Variants in MAP2 observed in about 807,000 individuals in gnomAD.
The protein encoded by MAP2 is microtubule-associated protein 2.
In MAP2, 14 loss-of-function variants were observed where a neutral mutation model predicts 137.6. That is an observed-to-expected ratio of 0.10 (90% CI 0.07 to 0.16). MAP2 has a LOEUF of 0.16. Ranked by LOEUF, MAP2 falls within the 10% of genes least tolerant of loss-of-function variation. The pLI is 1.00. For synonymous variants in MAP2, 786 were observed against 782.3 expected (o/e 1.00, Z -0.08); for missense variants, 2,088 against 2,191.5 (o/e 0.95, Z 0.94).
intron 2 of MAP2, among the ~76,000 whole-genome samples, chr2:209,553,044 C>G (rs2153305213): frequency 6.6e-6 from 1 of 151,216 alleles, no homozygotes; most frequent in South Asian, 2.1e-4. Flanking sequence ...CGGAGTCTCA[C>G]TCTGTCGCCC....
chr2:209,582,618 A>T (rs2076689045), intron 3 of MAP2, among the ~76,000 whole-genome samples: 1 of 151,964 alleles, frequency 6.6e-6, no homozygotes, highest in Non-Finnish European at 1.5e-5. Flanking sequence ...CCAGTCCATA[A>T]TGAGCAACAA....
In MAP2 at chr2:209,478,821, G is replaced by A. The variant is rs543671922; in HGVS notation, c.-221-28771G>A. ...TTTTAATTGATGTCTTGTGATATTT[G>A]TTTTAAATTTGAAGGAAATTGCCCG... On this transcript the variant is annotated intron_variant, in intron 1 of 15. Transcript: ENST00000682079. Among the ~76,000 whole-genome samples the A allele has an allele frequency of 2.4e-4, 36 of 152,100 alleles. No individual in the cohort carries two copies. The East Asian group carries it at 6.8e-3, about 29-fold the overall frequency.
intron 11 of MAP2, among the ~76,000 whole-genome samples, chr2:209,701,641 A>G (rs1251974840): frequency 6.6e-6 from 1 of 152,054 alleles, no homozygotes; most frequent in Non-Finnish European, 1.5e-5. Flanking sequence ...TGAGTGATTC[A>G]TTTCTTTGAT....
intron 1 of MAP2, among the ~76,000 whole-genome samples, chr2:209,501,724 C>T (rs1214788058): frequency 1.3e-5 from 2 of 152,052 alleles, no homozygotes; most frequent in African/African-American, 4.8e-5. Context: ...GAGGACTGAG[C>T]CTTGGGGCAA....
chr2:209,709,808 C>T, intron 12 of MAP2, 106 bp from the exon 13 acceptor site: 3 of 795,434 alleles, frequency 3.8e-6, no homozygotes, highest in Non-Finnish European at 4.0e-6. Context: ...TTCTAAATAC[C>T]TTAGAAATTA....
intron 2 of MAP2, among the ~76,000 whole-genome samples, chr2:209,520,053 A>G (rs1324963684): frequency 1.3e-5 from 2 of 152,070 alleles, no homozygotes; most frequent in Non-Finnish European, 1.5e-5. Context: ...AAACTGCTCA[A>G]CTACTCATTC....
chr2:209,661,716 C>G, intron 5 of MAP2: 1 of 982,372 alleles, frequency 1.0e-6, no homozygotes, highest in Non-Finnish European at 1.2e-6. Flanking sequence ...TATGTGGTCT[C>G]TCTACTAGGT....
chr2:209,443,674 C>G (rs1365290710), intron 1 of MAP2, among the ~76,000 whole-genome samples: 1 of 151,574 alleles, frequency 6.6e-6, no homozygotes, highest in Non-Finnish European at 1.5e-5. Flanking sequence ...TAGTTTATTT[C>G]CCAAAGTTTT....
intron 5 of MAP2, among the ~76,000 whole-genome samples, chr2:209,670,348 G>GT (rs1021112686): frequency 6.6e-6 from 1 of 151,932 alleles, no homozygotes; most frequent in African/African-American, 2.4e-5. Flanking sequence ...AAGCTAAATT[G>GT]TAACGATACT....
At chr2:209,573,113 A>C (rs916274312) in intron 2 of MAP2, among the ~76,000 whole-genome samples, 1 of 152,188 alleles carries the variant, frequency 6.6e-6, no homozygotes, top group Non-Finnish European at 1.5e-5. Flanking sequence ...CAAAAAAATG[A>C]ATAGCTTTTG....
In MAP2 at chr2:209,543,907, G is replaced by A. The variant is rs139951130; in HGVS notation, c.-171-36129G>A. On this transcript the variant is annotated intron_variant, in intron 2 of 15. Coordinates refer to ENST00000682079, the MANE Select transcript of MAP2 (RefSeq NM_001375505.1). ...GATGTCTGTCTCTCTAAAAGTTTTC[G>A]TTCTAAATGTTTGTATCTTTTTTTA... Among the ~76,000 whole-genome samples the A allele has an allele frequency of 6.4e-4, 97 of 152,072 alleles. No individual in the cohort carries two copies. The East Asian group carries it at 8.9e-3, about 14-fold the overall frequency.
At chr2:209,478,731 C>T (rs186782500) in intron 1 of MAP2, among the ~76,000 whole-genome samples, 6 of 152,210 alleles carry the variant, frequency 3.9e-5, no homozygotes, top group African/African-American at 9.6e-5. Context: ...TATAAGGTTC[C>T]GCATTTTTAT....
At chr2:209,718,214 G>C (rs2068563633) in intron 13 of MAP2, among the ~76,000 whole-genome samples, 1 of 151,882 alleles carries the variant, frequency 6.6e-6, no homozygotes, top group Non-Finnish European at 1.5e-5. Flanking sequence ...TACCACTTTG[G>C]GTTTGCAAAG....
intron 3 of MAP2, among the ~76,000 whole-genome samples, chr2:209,583,353 T>C (rs911929941): frequency 6.6e-6 from 1 of 152,124 alleles, no homozygotes; most frequent in Admixed American, 6.6e-5. Context: ...ATAAATGTAT[T>C]CATAAAGCAT....
At chr2:209,707,809 CT>C (rs576777877) in intron 12 of MAP2, among the ~76,000 whole-genome samples, 4 of 152,060 alleles carry the variant, frequency 2.6e-5, no homozygotes, top group Non-Finnish European at 5.9e-5. Flanking sequence ...ATAAAACCTT[CT>C]TTTATAAAGC....
At position 209,689,637 on chromosome 2, in the gene MAP2, TG is replaced by T. The variant is rs201402545; in HGVS notation, c.455-2982del. 7.4e-3 allele frequency among the ~76,000 whole-genome samples: 1,123 copies of T among 152,264 alleles called. 5 individuals are homozygous for T. The highest frequency in any genetic ancestry group is 0.013 in the Non-Finnish European group (858 of 67,992). ...ACTTTTTTATGTGATATACATGGTT[TG>T]GGGGGTGGTTATTTTGGCCGTTTGA... On this transcript the variant is annotated intron_variant, in intron 7 of 15. Coordinates refer to ENST00000682079, the MANE Select transcript of MAP2 (RefSeq NM_001375505.1).
At chr2:209,606,002 G>C (rs2084584019) in intron 3 of MAP2, among the ~76,000 whole-genome samples, 2 of 152,250 alleles carry the variant, frequency 1.3e-5, no homozygotes, top group Middle Eastern at 6.8e-3. Context: ...CCGCTGGATA[G>C]ATAGATGCAT....
intron 3 of MAP2, among the ~76,000 whole-genome samples, chr2:209,620,063 G>C (rs909140248): frequency 2.0e-5 from 3 of 152,200 alleles, no homozygotes; most frequent in Admixed American, 2.0e-4. Flanking sequence ...CTGCATGAGA[G>C]AGAAGTGGCC....
chr2:209,604,299 T>C (rs1041446385), intron 3 of MAP2, among the ~76,000 whole-genome samples: 1 of 152,190 alleles, frequency 6.6e-6, no homozygotes, highest in Non-Finnish European at 1.5e-5. Context: ...CATAAATCCT[T>C]GTCTTAATCT....
Sources: gnomAD v4.1 joint callset for allele counts (sites outside exome capture counted in the v4.1 genomes callset) on GRCh38, gnomAD v4.1.1 for gene constraint, MANE v1.5 for transcripts, NCBI Gene and HGNC (gene_info 2026-07-23, HGNC 2026-07-21) for gene names.